The following PLA2G5 variants were observed in gnomAD, a reference collection of about 807,000 sequenced individuals.
The protein encoded by PLA2G5 is phospholipase A2 group V.
A neutral mutation model predicts 15.9 loss-of-function variants in PLA2G5; 12 were observed. That is an observed-to-expected ratio of 0.76 (90% CI 0.48 to 1.23). PLA2G5 has a LOEUF of 1.23. PLA2G5 is among the 50% of genes most tolerant of loss of function. PLA2G5 has a pLI of 0.00. For synonymous variants in PLA2G5, 71 were observed against 71.4 expected (o/e 0.99, Z 0.03); for missense variants, 169 against 177.1 (o/e 0.95, Z 0.26).
chr1:20,048,407 T>A (rs1022067044), intron 1 of PLA2G5, among the ~76,000 whole-genome samples: 1 of 152,160 alleles, frequency 6.6e-6, no homozygotes, highest in Non-Finnish European at 1.5e-5. Context: ...GTTACAAAAC[T>A]CTAAACCAAG....
intron 1 of PLA2G5, chr1:20,076,976 G>A (rs2015724022): frequency 6.6e-6 from 1 of 152,296 alleles, no homozygotes; most frequent in Admixed American, 6.5e-5. Context: ...CAGGGTGAGG[G>A]AGTTTCCAGG....
At chr1:20,054,886 G>A (rs2014359144) in intron 1 of PLA2G5, 1 of 152,150 alleles carries the variant, frequency 6.6e-6, no homozygotes, top group Admixed American at 6.5e-5. Context: ...TTCCCCTACA[G>A]AATAGTTGAA....
chr1:20,032,771 T>C (rs1390571666), intron 1 of PLA2G5, among the ~76,000 whole-genome samples: 1 of 152,210 alleles, frequency 6.6e-6, no homozygotes, highest in Admixed American at 6.5e-5. Flanking sequence ...GTGAGGTTTG[T>C]TCTTCCTGGG....
chr1:20,067,109 C>A (rs1250787967), upstream of PLA2G5, among the ~76,000 whole-genome samples: 1 of 152,118 alleles, frequency 6.6e-6, no homozygotes, highest in Admixed American at 6.6e-5. Context: ...GATCCTCCCA[C>A]CTTAGCCTCC....
At chr1:20,047,415 TC>T (rs1412265276) in intron 1 of PLA2G5, among the ~76,000 whole-genome samples, 1 of 152,026 alleles carries the variant, frequency 6.6e-6, no homozygotes, top group Non-Finnish European at 1.5e-5. Flanking sequence ...AGAGAATGAC[TC>T]CTCTGTGAGC....
chr1:20,083,386 C>G (rs374735912), intron 1 of PLA2G5, among the ~76,000 whole-genome samples: 11 of 151,776 alleles, frequency 7.2e-5, no homozygotes, highest in African/African-American at 2.4e-4. Flanking sequence ...TTGGGAGGCG[C>G]CAGGGGTTCA....
chr1:20,055,205 C>A (rs995006366), intron 1 of PLA2G5, among the ~76,000 whole-genome samples: 6 of 152,152 alleles, frequency 3.9e-5, no homozygotes, highest in Admixed American at 1.3e-4. Context: ...GAAACCCCCA[C>A]ACAGTCACAG....
At chr1:20,051,782 C>G (rs180817653) in intron 1 of PLA2G5, among the ~76,000 whole-genome samples, 1 of 152,204 alleles carries the variant, frequency 6.6e-6, no homozygotes, top group Non-Finnish European at 1.5e-5. Flanking sequence ...TGGCCTCATA[C>G]CTAGTCTATA....
In PLA2G5 at chr1:20,040,577, TACACACAC is replaced by T. The variant is rs60942082; in HGVS notation, n.276+11890_276+11897del. Among the ~76,000 whole-genome samples, 275 of 150,642 alleles carry T rather than the reference TACACACAC, an allele frequency of 1.8e-3. 1 individual carries two copies. The highest frequency in any genetic ancestry group is 4.9e-3 in the African/African-American group (202 of 40,972). On this transcript the variant is annotated intron_variant and non_coding_transcript_variant, in intron 1 of 6. Coordinates refer to the PLA2G5 transcript ENST00000460175. ...ATGTCATTGCTTCAAAGCTGACAAA[TACACACAC>T]ACACACACACACACACACACAAACA...
At chr1:20,029,959 G>A (rs2012825955) in intron 1 of PLA2G5, among the ~76,000 whole-genome samples, 2 of 152,232 alleles carry the variant, frequency 1.3e-5, no homozygotes, top group Admixed American at 6.5e-5. Flanking sequence ...CAAGCCATGA[G>A]AAGGTGGGGG....
chr1:20,073,661 T>A (rs1476071050), intron 1 of PLA2G5, among the ~76,000 whole-genome samples: 1 of 152,104 alleles, frequency 6.6e-6, no homozygotes, highest in Non-Finnish European at 1.5e-5. Context: ...GGCAGGCAGA[T>A]CATTTGAGGT....
chr1:20,038,113 A>C (rs557904673), intron 1 of PLA2G5, among the ~76,000 whole-genome samples: 48 of 152,278 alleles, frequency 3.2e-4, no homozygotes, highest in African/African-American at 1.1e-3. Flanking sequence ...CACCACCAGC[A>C]CTGAGTTCAT....
At chr1:20,055,717 T>C (rs776528021) in intron 1 of PLA2G5, among the ~76,000 whole-genome samples, 2 of 152,208 alleles carry the variant, frequency 1.3e-5, no homozygotes, top group African/African-American at 2.4e-5. Flanking sequence ...TCTCACTCTG[T>C]CTTTTAGATT....
chr1:20,082,133 G>C (rs1267078210), intron 1 of PLA2G5, among the ~76,000 whole-genome samples: 1 of 151,968 alleles, frequency 6.6e-6, no homozygotes, highest in Non-Finnish European at 1.5e-5. Context: ...AAAAGCTTTA[G>C]AGCAGGGATG....
chr1:20,042,456 G>A (rs2013657469), intron 1 of PLA2G5, among the ~76,000 whole-genome samples: 1 of 152,182 alleles, frequency 6.6e-6, no homozygotes, highest in South Asian at 2.1e-4. Context: ...AAAGGCTACA[G>A]GGTGCGGTCC....
chr1:20,089,611 T>G (rs1053504132), intron 3 of PLA2G5, among the ~76,000 whole-genome samples, 178 bp from the exon 4 acceptor site: 1 of 152,198 alleles, frequency 6.6e-6, no homozygotes, highest in Non-Finnish European at 1.5e-5. Context: ...GTCCATGACC[T>G]GCTGGCTAGA....
chr1:20,069,529 C>T (rs898082398), upstream of PLA2G5, among the ~76,000 whole-genome samples: 2 of 152,008 alleles, frequency 1.3e-5, no homozygotes, highest in Non-Finnish European at 2.9e-5. Flanking sequence ...AAAAATTAGC[C>T]AGGCATGGGG....
chr1:20,036,998 T>C (rs1179579817), intron 1 of PLA2G5, among the ~76,000 whole-genome samples: 1 of 152,202 alleles, frequency 6.6e-6, no homozygotes, highest in Non-Finnish European at 1.5e-5. Context: ...TTTTCACCTT[T>C]CTCTGGTGCC....
Position 20,090,672 on chromosome 1 carries a change from C to G in PLA2G5, c.397C>G (p.Pro133Ala). ...RSYNPQYQYF[P>A]NILCS ...CTACAACCCACAGTACCAATACTTT[C>G]CCAACATCCTCTGCTCCTAGGCCTC... The change falls in exon 5 of 5, where the codon CCC (proline) becomes GCC (alanine). Residue 133 changes from proline to alanine, a missense_variant. Physicochemically the swap from Pro to Ala is conservative, Grantham distance 27 (BLOSUM62 -1). Coordinates refer to ENST00000375108, the MANE Select transcript of PLA2G5 (RefSeq NM_000929.3). The G allele has an allele frequency of 6.2e-7, 1 of 1,614,164 alleles. No homozygotes were observed.
Sources: allele counts gnomAD v4.1 joint callset (sites outside exome capture counted in the v4.1 genomes callset), GRCh38; gene constraint gnomAD v4.1.1; transcripts MANE v1.5; gene names NCBI Gene and HGNC (gene_info 2026-07-23, HGNC 2026-07-21).